TBXA2R: variants seen among roughly 807,000 people sequenced by gnomAD.
The protein encoded by TBXA2R is prostanoid TP receptor.
In TBXA2R, 15 loss-of-function variants were observed where a neutral mutation model predicts 15.6. The observed-to-expected ratio is 0.96, with a 90% CI of 0.64 to 1.48. TBXA2R has a LOEUF of 1.48. Among genes scored for constraint, TBXA2R ranks in the 40% most tolerant of loss-of-function variants. TBXA2R has a pLI of 0.00. For missense variants in TBXA2R, 506 were observed against 491.4 expected (o/e 1.03, Z -0.28); for synonymous variants, 280 against 241.2 (o/e 1.16, Z -1.49).
At chr19:3,603,989 G>C (rs1182831803) in intron 1 of TBXA2R, among the ~76,000 whole-genome samples, 1 of 152,178 alleles carries the variant, frequency 6.6e-6, no homozygotes, top group Admixed American at 6.5e-5. Flanking sequence ...TCTGGGGAGA[G>C]GTGTGGACCC....
At chr19:3,601,988 G>A (rs187090028) in intron 1 of TBXA2R, among the ~76,000 whole-genome samples, 568 of 151,288 alleles carry the variant, frequency 3.8e-3, no homozygotes, top group African/African-American at 0.013. Context: ...TTGGGAGGCC[G>A]AGGCGGGCGG....
intron 2 of TBXA2R, among the ~76,000 whole-genome samples, chr19:3,599,087 C>T (rs1179835952): frequency 1.3e-5 from 2 of 152,200 alleles, no homozygotes; most frequent in Non-Finnish European, 2.9e-5. Context: ...ATCTATCCAT[C>T]AGTAGTTTTA....
At chr19:3,604,502 G>A (rs1252753495) in intron 1 of TBXA2R, among the ~76,000 whole-genome samples, 4 of 151,932 alleles carry the variant, frequency 2.6e-5, no homozygotes, top group South Asian at 2.1e-4. Context: ...CCTGGAGCAC[G>A]TCACCTCATC....
Position 3,594,786 on chromosome 19 carries a change from C to T in TBXA2R, c.*902G>A, listed in dbSNP as rs116937991. On this transcript the variant is annotated 3_prime_UTR_variant, in exon 3 of 3. Transcript: ENST00000375190. ...TTCTGGACCCAAAGGAAAATAAAAC[C>T]AAAGGCAGAGATATATTTTGGCAAG... The T allele has an allele frequency of 0.027, 39,796 of 1,477,286 alleles. 632 individuals carry two copies. Among genetic ancestry groups the T allele is most frequent in the Non-Finnish European group, 0.032 (35,297 of 1,100,622 alleles). 91.5% of individuals were successfully genotyped at this position (1,477,286 alleles called of 1,614,324 possible).
chr19:3,600,069 GC>G lies in TBXA2R; in HGVS notation c.565del (p.Ala189ProfsTer26), dbSNP rs2032690940. On this transcript the variant is annotated frameshift_variant, in exon 2 of 3. Transcript: ENST00000375190. LOFTEE classifies it high-confidence loss of function. The stretch of plus-strand genomic sequence containing the variant: ...CCCGAAGGCCACGTCCCCGGACTCG[GC>G]GCCCAGCGTCAGGAAGCACCAGGAC... ...PGSWCFLTLGAESGDVAFGLL... is the reference protein window; with the variant it reads ...PGSWCFLTLGXESGDVAFGLL... The G allele has an allele frequency of 6.2e-7, 1 of 1,612,418 alleles. No individual in the cohort carries two copies. The highest frequency in any genetic ancestry group is 1.3e-5 in the African/African-American group (1 of 74,926).
Position 3,595,115 on chromosome 19 carries a change from A to G in TBXA2R, c.*573T>C, listed in dbSNP as rs1222093256. On this transcript the variant is annotated 3_prime_UTR_variant, in exon 3 of 3. Transcript: ENST00000375190. ...AAAAAATGGCCAGGTGTGGTGGTTC[A>G]TGCCTGTGATCCCAGCACTTTGGGA... is the stretch of plus-strand genomic sequence containing the variant. 1.4e-6 allele frequency: 1 copy of G among 697,332 alleles called. No homozygotes were observed. The highest frequency in any genetic ancestry group is 2.3e-6 in the Non-Finnish European group (1 of 429,072). The allele number at this position is 697,332 out of a possible 1,614,324, so 43.2% of individuals were successfully genotyped here.
chr19:3,595,366 A>G lies in TBXA2R; in HGVS notation c.*322T>C. 4 of 1,379,438 alleles carry G rather than the reference A, an allele frequency of 2.9e-6. No individual in the cohort carries two copies. The South Asian group carries it at 5.8e-5, about 20-fold the overall frequency. 85.4% of individuals were successfully genotyped at this position (1,379,438 alleles called of 1,614,324 possible). A position where few individuals can be genotyped will look rare whatever the true frequency, so the allele number is the denominator to read the frequency against. On this transcript the variant is annotated 3_prime_UTR_variant, in exon 3 of 3. Coordinates refer to ENST00000375190, the MANE Select transcript of TBXA2R (RefSeq NM_001060.6). ...TGCACTCCAGCCTGGGGGACAGAGCAAGACTCCGTCTAAAAAAAAAAATAG... is the reference window on the plus strand; with the variant it reads ...TGCACTCCAGCCTGGGGGACAGAGCGAGACTCCGTCTAAAAAAAAAAATAG...
At chr19:3,598,345 C>CTTTTTTTTTTTTTTTTTTTTTTTTTTTT (rs1300020033) in intron 2 of TBXA2R, among the ~76,000 whole-genome samples, 2 of 115,390 alleles carry the variant, frequency 1.7e-5, no homozygotes, top group African/African-American at 7.2e-5. Context: ...TCTTTCTTTT[C>CTTTTTTTTTTTTTTTTTTTTTTTTTTTT]TTTTCTTTTT....
intron 1 of TBXA2R, among the ~76,000 whole-genome samples, chr19:3,602,316 G>C (rs2032753615): frequency 6.6e-6 from 1 of 152,200 alleles, no homozygotes; most frequent in Non-Finnish European, 1.5e-5. Context: ...CAGGAGGCTA[G>C]GATGGAACCC....
intron 2 of TBXA2R, among the ~76,000 whole-genome samples, chr19:3,598,700 G>A (rs1420830010): frequency 4.6e-5 from 7 of 151,710 alleles, no homozygotes; most frequent in Admixed American, 3.9e-4. Context: ...GCGGAGTCTC[G>A]CTCTGTCACC....
rs772261546 is a variant in TBXA2R, at chr19:3,595,834, C to T, written c.886G>A (p.Val296Met). 2 of 1,611,696 alleles carry T rather than the reference C, an allele frequency of 1.2e-6. No individual in the cohort carries two copies. Among genetic ancestry groups the T allele is most frequent in the South Asian group, 1.1e-5 (1 of 90,638 alleles). Residue 296 changes from valine to methionine, a missense_variant, in exon 3 of 3, where the codon GTG becomes ATG. By Grantham distance (21) the Val-to-Met change is conservative. Transcript: ENST00000375190. ...TEKELLIYLR[V>M]ATWNQILDPW... ...TCCAGGATCTGGTTCCAGGTGGCCA[C>T]GCGCAAGTAGATGAGCAGCTCCTTC...
At chr19:3,597,012 T>C (rs2032616687) in intron 2 of TBXA2R, among the ~76,000 whole-genome samples, 1 of 146,932 alleles carries the variant, frequency 6.8e-6, no homozygotes, top group African/African-American at 2.5e-5. Context: ...GGTTCTCGGC[T>C]TACCACAACC....
At position 3,600,056 on chromosome 19, in the gene TBXA2R, G is replaced by A. The variant is rs747768808; in HGVS notation, c.579C>T (p.Asp193=). 6.2e-7 allele frequency: 1 copy of A among 1,612,648 alleles called. No homozygotes were observed. The highest frequency in any genetic ancestry group is 8.5e-7 in the Non-Finnish European group (1 of 1,179,754). Residue 193 remains aspartate (D), a synonymous_variant, in exon 2 of 3, where the codon GAC becomes GAT. Coordinates refer to ENST00000375190, the MANE Select transcript of TBXA2R (RefSeq NM_001060.6). The stretch of plus-strand genomic sequence containing the variant: ...TGGAGAAGAGCAGCCCGAAGGCCAC[G>A]TCCCCGGACTCGGCGCCCAGCGTCA... ...CFLTLGAESG[D]VAFGLLFSML...
intron 1 of TBXA2R, among the ~76,000 whole-genome samples, chr19:3,605,085 C>T (rs1347542322): frequency 1.3e-5 from 2 of 152,216 alleles, no homozygotes; most frequent in Non-Finnish European, 2.9e-5. Flanking sequence ...CAGTGCAGGG[C>T]GGGGACTCCC....
intron 2 of TBXA2R, 138 bp downstream of exon 2, chr19:3,599,711 C>T: frequency 1.5e-6 from 2 of 1,307,250 alleles, no homozygotes; most frequent in South Asian, 1.3e-5. Flanking sequence ...AAGCGATCCT[C>T]CCGCCTCAGC....
At chr19:3,604,339 G>A (rs1290276872) in intron 1 of TBXA2R, among the ~76,000 whole-genome samples, 2 of 152,244 alleles carry the variant, frequency 1.3e-5, no homozygotes, top group South Asian at 2.1e-4. Flanking sequence ...GGCTCTGTCC[G>A]GCGCTGTTTC....
Position 3,600,017 on chromosome 19 carries a change from G to A in TBXA2R, c.618C>T (p.Leu206=), listed in dbSNP as rs770630880. The A allele has an allele frequency of 1.1e-5, 17 of 1,611,894 alleles. No individual in the cohort carries two copies. Among genetic ancestry groups the A allele is most frequent in the Non-Finnish European group, 1.4e-5 (16 of 1,179,424 alleles). The part of the protein sequence containing the change: ...FGLLFSMLGG[L]SVGLSFLLNT... ...TCAGCAGGAAGGACAGCCCGACCGAGAGGCCGCCCAGCATGGAGAAGAGCA... is the reference window on the plus strand; with the variant it reads ...TCAGCAGGAAGGACAGCCCGACCGAAAGGCCGCCCAGCATGGAGAAGAGCA... Residue 206 remains leucine, a synonymous_variant, in exon 2 of 3, where the codon CTC becomes CTT. Coordinates refer to ENST00000375190, the MANE Select transcript of TBXA2R (RefSeq NM_001060.6).
chr19:3,600,618 C>A lies in TBXA2R; in HGVS notation c.17G>T (p.Ser6Ile), dbSNP rs765395547. 2 of 1,612,658 alleles carry A rather than the reference C, an allele frequency of 1.2e-6. No individual in the cohort carries two copies. The highest frequency in any genetic ancestry group is 2.2e-5 in the South Asian group (2 of 91,074). MWPNGSSLGPCFRPTN... is the reference protein window; with the variant it reads MWPNGISLGPCFRPTN... Reference sequence around the variant, plus strand: ...GGGCCGGAAACAGGGCCCCAGGGAACTGCCGTTGGGCCACATGGCTCCGGA... The same window carrying A: ...GGGCCGGAAACAGGGCCCCAGGGAAATGCCGTTGGGCCACATGGCTCCGGA... The change falls in exon 2 of 3, where the codon AGT becomes ATT. Residue 6 changes from serine (S) to isoleucine (I), a missense_variant. Coordinates refer to ENST00000375190, the MANE Select transcript of TBXA2R (RefSeq NM_001060.6).
chr19:3,599,730 G>C (rs972862959), intron 2 of TBXA2R, 119 bp downstream of exon 2: 6 of 1,432,838 alleles, frequency 4.2e-6, no homozygotes, highest in Non-Finnish European at 4.8e-6. Context: ...GCCTCCCAGA[G>C]TTCTGGGATT....
Sources: allele counts gnomAD v4.1 joint callset (sites outside exome capture counted in the v4.1 genomes callset), GRCh38; gene constraint gnomAD v4.1.1; transcripts MANE v1.5; gene names NCBI Gene and HGNC (gene_info 2026-07-23, HGNC 2026-07-21).